Variants in RELCH observed in about 807,000 individuals in gnomAD.
The protein encoded by RELCH is RAB11-binding protein RELCH.
Under a neutral mutation model 150.3 loss-of-function variants are expected in RELCH, and 41 were observed. The observed-to-expected ratio is 0.27, with a 90% CI of 0.21 to 0.35. RELCH has a LOEUF of 0.35. Among genes scored for constraint, RELCH ranks in the 10% least tolerant of loss-of-function variants. The probability of loss-of-function intolerance (pLI) is 1.00; values close to 1 mark genes in which losing one functional copy is unlikely to be tolerated. For missense variants in RELCH, 1,092 were observed against 1,467.8 expected (o/e 0.74, Z 4.18); for synonymous variants, 478 against 531.8 (o/e 0.90, Z 1.39).
rs766217020 is a variant in RELCH, at chr18:62,305,424, A to G, written c.3541A>G (p.Ile1181Val). 7.5e-6 allele frequency: 12 copies of G among 1,599,004 alleles called. No individual in the cohort carries two copies. The highest frequency in any genetic ancestry group is 1.3e-5 in the African/African-American group (1 of 74,102). ...TVQEPQGSMSIAASLVSEDTK... is the reference protein window; with the variant it reads ...TVQEPQGSMSVAASLVSEDTK... Reference sequence around the variant, plus strand: ...AATTTTCTTTCCTAGCTCAATGTCAATTGCTGCAAGCTTAGTGAGTGAAGA... The same window carrying G: ...AATTTTCTTTCCTAGCTCAATGTCAGTTGCTGCAAGCTTAGTGAGTGAAGA... Residue 1181 changes from isoleucine to valine, a missense_variant, in exon 29 of 29, where the codon ATT (isoleucine) becomes GTT (valine). Coordinates refer to ENST00000644646, the MANE Select transcript of RELCH (RefSeq NM_001346231.2). This position sits in a 1 kb window ranked among gnomAD's most constrained non-coding sequence, Gnocchi z 4.0.
intron 11 of RELCH, 39 bp downstream of exon 11, chr18:62,244,915 G>C: frequency 7.5e-7 from 1 of 1,332,180 alleles, no homozygotes; most frequent in Non-Finnish European, 1.1e-6. Context: ...AATACAATGT[G>C]ACTTACTGAT....
intron 22 of RELCH, 161 bp downstream of exon 22, chr18:62,275,634 G>T (rs2044168524): frequency 4.4e-6 from 2 of 454,788 alleles, no homozygotes; most frequent in Non-Finnish European, 3.9e-6. Flanking sequence ...GTGTGATGGG[G>T]CAGAAATTTA....
chr18:62,213,729 C>CA (rs5825484), intron 2 of RELCH, among the ~76,000 whole-genome samples: 38,414 of 80,358 alleles, frequency 0.48, 10,212 homozygotes, highest in East Asian at 0.73. Flanking sequence ...GACTCAGTCT[C>CA]AAAAAAAAAA....
At chr18:62,218,403 C>A (rs916942679) in intron 2 of RELCH, among the ~76,000 whole-genome samples, 2 of 151,860 alleles carry the variant, frequency 1.3e-5, no homozygotes, top group Admixed American at 1.3e-4. Flanking sequence ...CTAAGTCTAG[C>A]AAGCATTTCA....
intron 27 of RELCH, among the ~76,000 whole-genome samples, chr18:62,294,066 T>A (rs2045287662): frequency 6.6e-6 from 1 of 152,210 alleles, no homozygotes; most frequent in South Asian, 2.1e-4. Context: ...TTTATTGTCC[T>A]TACTGAATAG....
Position 62,249,392 on chromosome 18 carries a change from A to G in RELCH, c.1734-3272A>G, listed in dbSNP as rs139886856. On this transcript the variant is annotated intron_variant, in intron 11 of 28. Coordinates refer to ENST00000644646, the MANE Select transcript of RELCH (RefSeq NM_001346231.2). ...TTCAGTATCCAGCTAAGGTTAATTT[A>G]TACCAGCAGCCCTAACATGCAAGTC... Among the ~76,000 whole-genome samples, 388 of 152,332 alleles carry G rather than the reference A, an allele frequency of 2.5e-3. 1 individual carries two copies. Among genetic ancestry groups the G allele is most frequent in the African/African-American group, 9.1e-3 (379 of 41,580 alleles).
At position 62,252,769 on chromosome 18, in the gene RELCH, T is replaced by C; in HGVS notation, c.1824+15T>C. ...GTTGGGAACAGGTAAATAACTGTAT[T>C]GAGTTTTCACCTAGCTATTATAGCC... On this transcript the variant is annotated intron_variant, in intron 12 of 28. Coordinates refer to ENST00000644646, the MANE Select transcript of RELCH (RefSeq NM_001346231.2). 1 of 1,587,356 alleles carries C rather than the reference T, an allele frequency of 6.3e-7. No individual in the cohort carries two copies. Among genetic ancestry groups the C allele is most frequent in the Non-Finnish European group, 8.7e-7 (1 of 1,155,872 alleles).
At chr18:62,220,822 CT>C (rs1298593191) in intron 2 of RELCH, 14 of 560,038 alleles carry the variant, frequency 2.5e-5, no homozygotes, top group African/African-American at 1.9e-4. Flanking sequence ...TAATAACCCC[CT>C]GAATTCTACT....
intron 2 of RELCH, among the ~76,000 whole-genome samples, chr18:62,215,112 T>G (rs189829571): frequency 1.9e-3 from 295 of 152,304 alleles, no homozygotes; most frequent in Non-Finnish European, 3.4e-3. Context: ...ACTCTTTTAA[T>G]TGTAAATTCC....
At chr18:62,253,341 T>A (rs1231096869) in intron 12 of RELCH, among the ~76,000 whole-genome samples, 1 of 151,856 alleles carries the variant, frequency 6.6e-6, no homozygotes, top group African/African-American at 2.4e-5. Flanking sequence ...TATACTTGTA[T>A]ATATTACAAA....
intron 27 of RELCH, among the ~76,000 whole-genome samples, chr18:62,292,477 A>T (rs1219821776): frequency 6.6e-6 from 1 of 152,126 alleles, no homozygotes; most frequent in Non-Finnish European, 1.5e-5. Context: ...GAACAAGTTC[A>T]TCCATACTCA....
At chr18:62,285,700 C>A (rs1326676775) in intron 25 of RELCH, 1 of 152,194 alleles carries the variant, frequency 6.6e-6, no homozygotes, top group Non-Finnish European at 1.5e-5. Context: ...GGCTGTGGTG[C>A]ACTATGATTG....
At chr18:62,204,831 G>A (rs180817220) in intron 1 of RELCH, among the ~76,000 whole-genome samples, 3 of 152,190 alleles carry the variant, frequency 2.0e-5, no homozygotes, top group Non-Finnish European at 4.4e-5. Flanking sequence ...ATTTCAAACA[G>A]AGGGAGAAAA....
At chr18:62,203,877 G>T (rs2039609798) in intron 1 of RELCH, among the ~76,000 whole-genome samples, 2 of 152,088 alleles carry the variant, frequency 1.3e-5, no homozygotes, top group East Asian at 3.9e-4. Flanking sequence ...TACTTGGAAG[G>T]CTGAGGCGGG....
chr18:62,258,198 A>T, intron 14 of RELCH, 110 bp downstream of exon 14: 1 of 1,066,870 alleles, frequency 9.4e-7, no homozygotes. Flanking sequence ...GATGGCAGGT[A>T]TGTCAACTTT....
intron 20 of RELCH, among the ~76,000 whole-genome samples, chr18:62,272,773 T>A (rs2043973656): frequency 6.6e-6 from 1 of 152,012 alleles, no homozygotes. Context: ...TCATACTTAT[T>A]TAGAAGTCTT....
intron 11 of RELCH, among the ~76,000 whole-genome samples, chr18:62,250,595 G>T (rs987453490): frequency 7.9e-5 from 12 of 152,172 alleles, no homozygotes; most frequent in African/African-American, 2.2e-4. Context: ...AGAGGGTAAT[G>T]ATATAAAGGG....
intron 10 of RELCH, among the ~76,000 whole-genome samples, chr18:62,242,602 T>G (rs2042203875): frequency 1.3e-5 from 2 of 152,156 alleles, no homozygotes; most frequent in Non-Finnish European, 2.9e-5. Flanking sequence ...AGGTAAGAAC[T>G]CTTTCAGCTC....
At chr18:62,199,971 CTAT>C (rs1271896063) in intron 1 of RELCH, among the ~76,000 whole-genome samples, 1 of 136,340 alleles carries the variant, frequency 7.3e-6, no homozygotes, top group Non-Finnish European at 1.6e-5. Flanking sequence ...ATAATAATTA[CTAT>C]TGTTGTCATC....
Sources: allele counts gnomAD v4.1 joint callset (sites outside exome capture counted in the v4.1 genomes callset), GRCh38; gene constraint gnomAD v4.1.1; non-coding constraint Gnocchi (gnomAD v3.1); transcripts MANE v1.5; gene names NCBI Gene and HGNC (gene_info 2026-07-23, HGNC 2026-07-21).